The following ABCB9 variants were observed in gnomAD, a reference collection of about 807,000 sequenced individuals.
ABCB9 encodes ABC-type oligopeptide transporter ABCB9.
Under a neutral mutation model 62.0 loss-of-function variants are expected in ABCB9, and 36 were observed. That is an observed-to-expected ratio of 0.58 (90% CI 0.45 to 0.77). The LOEUF is 0.77. ABCB9 is among the 30% of genes least tolerant of loss of function. ABCB9 has a pLI of 0.00. For synonymous variants in ABCB9, 435 were observed against 461.4 expected, an observed-to-expected ratio of 0.94 and a Z score of 0.73; for missense variants, 943 against 1,054.7, an observed-to-expected ratio of 0.89 and a Z score of 1.47.
In ABCB9 at chr12:122,932,350, A is replaced by G. The variant is rs2035222568; in HGVS notation, c.1904-22T>C. The G allele has an allele frequency of 5.8e-6, 9 of 1,541,602 alleles. No individual in the cohort carries two copies. The highest frequency in any genetic ancestry group is 1.4e-5 in the African/African-American group (1 of 72,878). ...GTCTCTGTATGGTGGAGGCACAGAGACAATTTAGCAATGGGTGAGGCCGGG... is the reference window on the plus strand; with the variant it reads ...GTCTCTGTATGGTGGAGGCACAGAGGCAATTTAGCAATGGGTGAGGCCGGG... On this transcript the variant is annotated intron_variant, in intron 10 of 11. Coordinates refer to ENST00000280560, the MANE Select transcript of ABCB9 (RefSeq NM_019625.4). The surrounding 1 kb of genome is among the most constrained non-coding windows in gnomAD (Gnocchi z 4.7).
rs2035038218 is a variant in ABCB9 at position 122,929,791 on chromosome 12, G to C, written c.*120C>G. On this transcript the variant is annotated 3_prime_UTR_variant, in exon 12 of 12. Coordinates refer to ENST00000280560, the MANE Select transcript of ABCB9 (RefSeq NM_019625.4). The surrounding 1 kb of genome is among the most constrained non-coding windows in gnomAD (Gnocchi z 6.0). The stretch of plus-strand genomic sequence containing the variant: ...CAGGAAGCGGTGATCCATGGGACAT[G>C]GCAGGTCGTCTTTCAGTGCTGCAGG... 7.0e-7 allele frequency: 1 copy of C among 1,427,584 alleles called. No homozygotes were observed. Among genetic ancestry groups the C allele is most frequent in the African/African-American group, 1.4e-5 (1 of 69,822 alleles). The allele number at this position is 1,427,584 out of a possible 1,614,324, so 88.4% of individuals were successfully genotyped here.
exon 12 of ABCB9, chr12:122,920,989 T>G (rs1485647648): frequency 2.6e-6 from 4 of 1,531,706 alleles, no homozygotes; most frequent in Non-Finnish European, 2.6e-6. Context: ...TGGTTATCAT[T>G]GTCATCATCA....
chr12:122,953,760 G>T (rs1321197265), intron 2 of ABCB9, among the ~76,000 whole-genome samples: 1 of 152,062 alleles, frequency 6.6e-6, no homozygotes, highest in Non-Finnish European at 1.5e-5. Context: ...GACCTCAAGT[G>T]ATCTGCCCGC....
chr12:122,946,100 C>T lies in ABCB9; in HGVS notation c.1176G>A (p.Leu392=). The change falls in exon 6 of 12, where the codon CTG becomes CTA. Residue 392 remains leucine, a synonymous_variant. Transcript: ENST00000280560. ...GCTTGTACACCTGCTGCAGCTTCCG[C>T]AGGTACACCTCTGCCTCCTCCTCCT... is the stretch of plus-strand genomic sequence containing the variant. ...ANEEEEAEVY[L]RKLQQVYKLN... is the part of the protein sequence containing the mutation. 1 of 1,614,072 alleles carries T rather than the reference C, an allele frequency of 6.2e-7. No individual in the cohort carries two copies. The highest frequency in any genetic ancestry group is 8.5e-7 in the Non-Finnish European group (1 of 1,180,020).
intron 1 of ABCB9, among the ~76,000 whole-genome samples, chr12:122,973,593 A>AC (rs2037317997): frequency 7.3e-6 from 1 of 137,132 alleles, no homozygotes; most frequent in African/African-American, 3.0e-5. Context: ...AAAAAAAAAA[A>AC]AAAAAAAAAA....
At chr12:122,921,854 C>T (rs573418865) in intron 11 of ABCB9, among the ~76,000 whole-genome samples, 3 of 152,106 alleles carry the variant, frequency 2.0e-5, no homozygotes, top group Non-Finnish European at 2.9e-5. Context: ...AAAAATTGTC[C>T]GTATTATTAT....
rs1249459045 is a variant in ABCB9 at position 122,930,003 on chromosome 12, G to A, written c.2209C>T (p.Leu737=). 4 of 1,576,092 alleles carry A rather than the reference G, an allele frequency of 2.5e-6. No individual in the cohort carries two copies. The highest frequency in any genetic ancestry group is 2.7e-5 in the African/African-American group (2 of 74,500). ...LLAQGGLYAK[L]VQRQMLGLQP... ...AGCCCCAGCATCTGCCGCTGCACCA[G>A]CTTGGCGTAGAGGCCGCCCTGGGCC... Residue 737 remains leucine, a synonymous_variant, in exon 12 of 12, where the codon CTG becomes TTG. Coordinates refer to ENST00000280560, the MANE Select transcript of ABCB9 (RefSeq NM_019625.4). This position sits in a 1 kb window ranked among gnomAD's most constrained non-coding sequence, Gnocchi z 4.9.
intron 2 of ABCB9, among the ~76,000 whole-genome samples, chr12:122,957,090 G>A (rs996904236): frequency 6.6e-6 from 1 of 151,634 alleles, no homozygotes; most frequent in African/African-American, 2.4e-5. Context: ...TGCCCGGGCT[G>A]GAGGGCAGTG....
Position 122,959,128 on chromosome 12 carries a change from G to A in ABCB9, c.601+507C>T, listed in dbSNP as rs1173782674. On this transcript the variant is annotated intron_variant, in intron 2 of 11. Coordinates refer to ENST00000280560, the MANE Select transcript of ABCB9 (RefSeq NM_019625.4). The surrounding 1 kb of genome is among the most constrained non-coding windows in gnomAD (Gnocchi z 5.4). ...GCACTTTGGGAGGCCGAGGCCAGTG[G>A]ATCACCTGAGGTCAGGAGTTCAAGA... Among the ~76,000 whole-genome samples, 1 of 151,180 alleles carries A rather than the reference G, an allele frequency of 6.6e-6. No individual in the cohort carries two copies. Among genetic ancestry groups the A allele is most frequent in the East Asian group, 2.0e-4 (1 of 4,916 alleles).
At position 122,935,330 on chromosome 12, in the gene ABCB9, G is replaced by A. The variant is rs1250711548; in HGVS notation, c.1845C>T (p.Ala615=). ...AGCCGTGGGCATTGGCCTTCTGTGC[G>A]GCCTCCACCACCATCTCGAAAGGCA... is the stretch of plus-strand genomic sequence containing the variant. The part of the protein sequence containing the change: ...PTVPFEMVVE[A]AQKANAHGFI... The change falls in exon 10 of 12, where the codon GCC becomes GCT. Residue 615 remains alanine, a synonymous_variant. Transcript: ENST00000280560. 3.7e-6 allele frequency: 6 copies of A among 1,613,862 alleles called. No homozygotes were observed. The highest frequency in any genetic ancestry group is 3.3e-5 in the South Asian group (3 of 91,006).
intron 11 of ABCB9, chr12:122,921,095 C>T: frequency 3.3e-6 from 5 of 1,520,922 alleles, no homozygotes; most frequent in Non-Finnish European, 4.4e-6. Flanking sequence ...CATTGGGAGT[C>T]TGCTTAATGC....
In ABCB9 at chr12:122,940,271, C is replaced by A; in HGVS notation, c.1583G>T (p.Ser528Ile). 6.3e-7 allele frequency: 1 copy of A among 1,596,706 alleles called. No individual in the cohort carries two copies. The highest frequency in any genetic ancestry group is 2.2e-5 in the East Asian group (1 of 44,668). Residue 528 changes from serine to isoleucine, a missense_variant, in exon 9 of 12, where the codon AGC (serine) becomes ATC (isoleucine). Physicochemically the swap from Ser to Ile is moderately radical, Grantham distance 142. Transcript: ENST00000280560. This position sits in a 1 kb window ranked among gnomAD's most constrained non-coding sequence, Gnocchi z 4.8. ...HTQVLQNVSF[S>I]LSPGKVTALV... ...GGCCGTCACCTTGCCGGGGGACAGGCTGAAGGAGACATTCTGCAAAGAACA... is the reference window on the plus strand; with the variant it reads ...GGCCGTCACCTTGCCGGGGGACAGGATGAAGGAGACATTCTGCAAAGAACA...
intron 1 of ABCB9, chr12:122,972,799 C>A (rs1215863034): frequency 6.6e-6 from 1 of 152,194 alleles, no homozygotes; most frequent in African/African-American, 2.4e-5. Flanking sequence ...AGGCGTGAGC[C>A]ACCACACCTG....
upstream of ABCB9, among the ~76,000 whole-genome samples, chr12:122,966,700 T>C (rs1200941786): frequency 6.6e-6 from 1 of 152,206 alleles, no homozygotes; most frequent in Non-Finnish European, 1.5e-5. Flanking sequence ...GGCAAACTCC[T>C]CCCACATCTG....
At chr12:122,942,962 C>T (rs994860112) in intron 7 of ABCB9, among the ~76,000 whole-genome samples, 20 of 152,174 alleles carry the variant, frequency 1.3e-4, no homozygotes, top group African/African-American at 4.6e-4. Flanking sequence ...ATGCAATGGC[C>T]TGAGTAGCAG....
chr12:122,935,474 T>A (rs2035414779), intron 9 of ABCB9, 43 bp from the exon 10 acceptor site: 6 of 1,588,286 alleles, frequency 3.8e-6, no homozygotes, highest in Non-Finnish European at 5.1e-6. Flanking sequence ...CAGGAATGTG[T>A]TCATCCAGCT....
chr12:122,919,656 C>G (rs1236687342), downstream of ABCB9, among the ~76,000 whole-genome samples: 1 of 152,266 alleles, frequency 6.6e-6, no homozygotes, highest in East Asian at 1.9e-4. Flanking sequence ...TTTTCACCAT[C>G]TGGAGTTTAT....
Position 122,945,900 on chromosome 12 carries a change from A to C in ABCB9, c.1251+125T>G, listed in dbSNP as rs766141188. On this transcript the variant is annotated intron_variant, in intron 6 of 11. Transcript: ENST00000280560. ...CTCAAAAAAAAAAAAAAAAAAAAAG[A>C]AAGACAGACAGATTCTCCACCAGCT... 1.1e-5 allele frequency: 10 copies of C among 912,240 alleles called. No individual in the cohort carries two copies. In the African/African-American group the frequency reaches 1.8e-4, roughly 16 times the overall value. The allele number at this position is 912,240 out of a possible 1,614,324, so 56.5% of individuals were successfully genotyped here. A position where few individuals can be genotyped will look rare whatever the true frequency, so the allele number is the denominator to read the frequency against.
At chr12:122,923,888 T>G (rs997272344) in intron 11 of ABCB9, among the ~76,000 whole-genome samples, 4 of 152,186 alleles carry the variant, frequency 2.6e-5, no homozygotes, top group African/African-American at 9.6e-5. Context: ...CTTTTGAACC[T>G]GCCGACACAG....
Sources: gnomAD v4.1 joint callset for allele counts (sites outside exome capture counted in the v4.1 genomes callset) on GRCh38, gnomAD v4.1.1 for gene constraint, Gnocchi (gnomAD v3.1) non-coding constraint, MANE v1.5 for transcripts, NCBI Gene and HGNC (gene_info 2026-07-23, HGNC 2026-07-21) for gene names.